MON2: variants seen among roughly 807,000 people sequenced by gnomAD.
The protein encoded by MON2 is protein MON2 homolog.
MON2 carries 84 observed loss-of-function variants against 208.6 expected under a neutral mutation model. That is an observed-to-expected ratio of 0.40 (90% CI 0.34 to 0.48). The LOEUF (loss-of-function observed/expected upper bound fraction) is 0.48. Among genes scored for constraint, MON2 ranks in the 20% least tolerant of loss-of-function variants. MON2 has a pLI of 0.59. For synonymous variants in MON2, 660 were observed against 694.0 expected (o/e 0.95, Z 0.77); for missense variants, 1,611 against 2,015.4 (o/e 0.80, Z 3.84).
chr12:62,523,080 C>T (rs2072144178), intron 8 of MON2, among the ~76,000 whole-genome samples: 1 of 152,164 alleles, frequency 6.6e-6, no homozygotes, highest in Non-Finnish European at 1.5e-5. Flanking sequence ...CACTTATATG[C>T]CACTTATGCC....
chr12:62,565,334 A>G lies in MON2; in HGVS notation c.4130A>G (p.Tyr1377Cys), dbSNP rs1198067698. Residue 1377 changes from tyrosine to cysteine, a missense_variant, in exon 27 of 35, where the codon TAT becomes TGT. By Grantham distance (194) the Tyr-to-Cys change is radical (BLOSUM62 -2). Coordinates refer to ENST00000393630, the MANE Select transcript of MON2 (RefSeq NM_015026.3). ...GAATTTTCCTGTAAACCTCCACAGTATGGACAGCTGGAAACAAAGCACATT... is the reference window on the plus strand; with the variant it reads ...GAATTTTCCTGTAAACCTCCACAGTGTGGACAGCTGGAAACAAAGCACATT... ...FVEFSCKPPQ[Y>C]GQLETKHIAN... 3.1e-6 allele frequency: 5 copies of G among 1,612,526 alleles called. No homozygotes were observed. Among genetic ancestry groups the G allele is most frequent in the Non-Finnish European group, 4.2e-6 (5 of 1,178,992 alleles).
intron 32 of MON2, among the ~76,000 whole-genome samples, chr12:62,581,809 G>T (rs1162221013): frequency 1.3e-5 from 2 of 152,074 alleles, no homozygotes; most frequent in African/African-American, 4.8e-5. Context: ...CAGCCTGGGC[G>T]ACAGAGCGAG....
chr12:62,560,995 G>C lies in MON2; in HGVS notation c.3914G>C (p.Ser1305Thr). The change falls in exon 26 of 35, where the codon AGT becomes ACT. Residue 1305 changes from serine (S) to threonine (T), a missense_variant. Ser to Thr is a moderately conservative substitution (Grantham distance 58). Transcript: ENST00000393630. ...DLQKLGVILH[S>T]AISVPISSDA... Reference sequence around the variant, plus strand: ...CAAAAGTTGGGAGTCATATTGCACAGTGCTATTTCAGTCCCAATAAGTTCA... The same window carrying C: ...CAAAAGTTGGGAGTCATATTGCACACTGCTATTTCAGTCCCAATAAGTTCA... The C allele has an allele frequency of 5.6e-6, 9 of 1,613,944 alleles. No individual in the cohort carries two copies. The highest frequency in any genetic ancestry group is 7.6e-6 in the Non-Finnish European group (9 of 1,179,876).
At chr12:62,563,265 A>T (rs2074262206) in intron 26 of MON2, among the ~76,000 whole-genome samples, 1 of 152,160 alleles carries the variant, frequency 6.6e-6, no homozygotes, top group Non-Finnish European at 1.5e-5. Context: ...TTTGCTTGTT[A>T]TGTGGGATAT....
In MON2 at chr12:62,537,237, G is replaced by T; in HGVS notation, c.1987G>T (p.Ala663Ser). 1 of 1,611,796 alleles carries T rather than the reference G, an allele frequency of 6.2e-7. No homozygotes were observed. Among genetic ancestry groups the T allele is most frequent in the Non-Finnish European group, 8.5e-7 (1 of 1,178,142 alleles). The change falls in exon 15 of 35, where the codon GCA becomes TCA. Residue 663 changes from alanine (A) to serine (S), a missense_variant. Physicochemically the swap from Ala to Ser is moderately conservative, Grantham distance 99 (BLOSUM62 1). Transcript: ENST00000393630. ...QQVVAVGQPL[A>S]VQPQGTVMLT... is the part of the protein sequence containing the mutation. ...AGTTGTGGCAGTGGGTCAACCTTTA[G>T]CAGTCCAGCCTCAAGGGACAGTAAT... is the stretch of plus-strand genomic sequence containing the variant.
chr12:62,559,450 A>C (rs374511936), intron 25 of MON2, among the ~76,000 whole-genome samples: 1 of 152,070 alleles, frequency 6.6e-6, no homozygotes, highest in Non-Finnish European at 1.5e-5. Flanking sequence ...TGAGCCCAGC[A>C]TGGGCAACAT....
intron 10 of MON2, 83 bp from the exon 11 acceptor site, chr12:62,525,866 A>G (rs1416924007): frequency 2.3e-6 from 3 of 1,325,154 alleles, no homozygotes; most frequent in East Asian, 4.7e-5. Flanking sequence ...TTTTTTAAAG[A>G]TTGGCCAGGT....
chr12:62,477,601 GA>G (rs2069163295), intron 1 of MON2, among the ~76,000 whole-genome samples: 1 of 102,478 alleles, frequency 9.8e-6, no homozygotes, highest in South Asian at 3.1e-4. Flanking sequence ...TTTTTTTTTA[GA>G]GACAGCATCT....
intron 7 of MON2, among the ~76,000 whole-genome samples, chr12:62,507,850 C>G (rs554196616): frequency 2.0e-5 from 3 of 152,090 alleles, no homozygotes; most frequent in Non-Finnish European, 4.4e-5. Flanking sequence ...CTAACTGCAG[C>G]CTTGACCTCC....
In MON2 at chr12:62,588,141, A is replaced by G. The variant is rs2075278892; in HGVS notation, c.4975A>G (p.Thr1659Ala). The change falls in exon 34 of 35, where the codon ACT becomes GCT. Residue 1659 changes from threonine (T) to alanine (A), a missense_variant. Physicochemically the swap from Thr to Ala is moderately conservative, Grantham distance 58 (BLOSUM62 0). Transcript: ENST00000393630. ...VSTLIDSLKKTQPENVDGNTW... is the reference protein window; with the variant it reads ...VSTLIDSLKKAQPENVDGNTW... The stretch of plus-strand genomic sequence containing the variant: ...TACTCTTATTGATTCACTTAAGAAA[A>G]CTCAGCCTGAGAATGGTAAGTGCTT... 3 of 1,575,070 alleles carry G rather than the reference A, an allele frequency of 1.9e-6. No individual in the cohort carries two copies. The highest frequency in any genetic ancestry group is 2.6e-6 in the Non-Finnish European group (3 of 1,149,600).
intron 25 of MON2, among the ~76,000 whole-genome samples, chr12:62,558,094 C>G (rs2074062520): frequency 2.0e-5 from 3 of 148,902 alleles, no homozygotes; most frequent in Admixed American, 2.0e-4. Context: ...CCTGCCTCAG[C>G]CTCCTGAGTA....
chr12:62,534,773 G>T, intron 12 of MON2, 72 bp from the exon 13 acceptor site: 1 of 1,102,442 alleles, frequency 9.1e-7, no homozygotes, highest in South Asian at 1.4e-5. Context: ...GAAAATTTTA[G>T]AATTTCACAT....
chr12:62,538,706 CAT>C (rs1264742110), intron 19 of MON2, among the ~76,000 whole-genome samples: 1 of 151,994 alleles, frequency 6.6e-6, no homozygotes, highest in Non-Finnish European at 1.5e-5. Flanking sequence ...CTAAATATGT[CAT>C]ATGATTTTAA....
rs2075527466 is a variant in MON2 at position 62,596,377 on chromosome 12, G to GT, written c.*3629dup. The GT allele has an allele frequency of 6.6e-6, 1 of 152,202 alleles. No homozygotes were observed. Among genetic ancestry groups the GT allele is most frequent in the Non-Finnish European group, 1.5e-5 (1 of 68,038 alleles). The allele number at this position is 152,202 out of a possible 1,614,324, so 9.4% of individuals were successfully genotyped here. On this transcript the variant is annotated 3_prime_UTR_variant, in exon 35 of 35. Coordinates refer to ENST00000393630, the MANE Select transcript of MON2 (RefSeq NM_015026.3). ...AGAACACTTACAGGAGTCCCTAACTGTGCCACCCTTGGAATGGGTTAGTGT... is the reference window on the plus strand; with the variant it reads ...AGAACACTTACAGGAGTCCCTAACTGTTGCCACCCTTGGAATGGGTTAGTGT...
In MON2 at chr12:62,549,811, T is replaced by G; in HGVS notation, c.2897T>G (p.Leu966Ter). ...GLHNQELNIS[L>*]TSIGLLWNIS... ...CATAACCAAGAACTCAATATTAGTT[T>G]AACTTCAATAGGTTTATTGGTAAGT... The change falls in exon 23 of 35, where the codon TTA becomes TGA. Residue 966 changes from leucine to a stop codon, truncating the protein, a stop_gained. Coordinates refer to ENST00000393630, the MANE Select transcript of MON2 (RefSeq NM_015026.3). LOFTEE classifies it high-confidence loss of function. The G allele has an allele frequency of 6.2e-7, 1 of 1,600,164 alleles. No homozygotes were observed. The highest frequency in any genetic ancestry group is 8.5e-7 in the Non-Finnish European group (1 of 1,173,342).
intron 1 of MON2, among the ~76,000 whole-genome samples, chr12:62,471,373 G>A (rs2068782266): frequency 2.0e-5 from 3 of 152,030 alleles, no homozygotes; most frequent in Admixed American, 6.6e-5. Flanking sequence ...TAATAGAGAC[G>A]GGGTTTCACC....
chr12:62,540,312 T>C lies in MON2; in HGVS notation c.2364+1807T>C, dbSNP rs549731540. 2.6e-5 allele frequency among the ~76,000 whole-genome samples: 4 copies of C among 152,314 alleles called. No individual in the cohort carries two copies. In the South Asian group the frequency reaches 8.3e-4, roughly 32 times the overall value. ...ACTATGGTATGAGAGTCTCAATAAA[T>C]AATACAGATATTAAATGACATGAGA... is the stretch of plus-strand genomic sequence containing the variant. On this transcript the variant is annotated intron_variant, in intron 19 of 34. Coordinates refer to ENST00000393630, the MANE Select transcript of MON2 (RefSeq NM_015026.3).
chr12:62,514,540 C>T lies in MON2; in HGVS notation c.984+6060C>T, dbSNP rs550420991. Reference sequence around the variant, plus strand: ...TTGCAGAGAAACTCCCTTTTTAAAACCATCAGATCTCATGAGATTTATTCA... The same window carrying T: ...TTGCAGAGAAACTCCCTTTTTAAAATCATCAGATCTCATGAGATTTATTCA... On this transcript the variant is annotated intron_variant, in intron 8 of 34. Coordinates refer to ENST00000393630, the MANE Select transcript of MON2 (RefSeq NM_015026.3). Among the ~76,000 whole-genome samples the T allele has an allele frequency of 1.3e-3, 196 of 152,258 alleles. 5 individuals are homozygous for T. The South Asian group carries it at 0.035, about 27-fold the overall frequency.
At chr12:62,540,225 A>G (rs1487979000) in intron 19 of MON2, among the ~76,000 whole-genome samples, 1 of 152,150 alleles carries the variant, frequency 6.6e-6, no homozygotes, top group Non-Finnish European at 1.5e-5. Context: ...AGACATTAAG[A>G]AATAAGAGGT....
Sources: allele counts gnomAD v4.1 joint callset (sites outside exome capture counted in the v4.1 genomes callset), GRCh38; gene constraint gnomAD v4.1.1; transcripts MANE v1.5; gene names NCBI Gene and HGNC (gene_info 2026-07-23, HGNC 2026-07-21).